ASTN2: variants seen among roughly 807,000 people sequenced by gnomAD.
ASTN2 encodes astrotactin-2.
ASTN2 carries 54 observed loss-of-function variants against 139.8 expected under a neutral mutation model. That is an observed-to-expected ratio of 0.39 (90% CI 0.31 to 0.48). The LOEUF is 0.48. Ranked by LOEUF, ASTN2 falls within the 20% of genes least tolerant of loss-of-function variation. The pLI is 0.95. For missense variants in ASTN2, 1,565 were observed against 1,725.1 expected (o/e 0.91, Z 1.64); for synonymous variants, 756 against 719.5 (o/e 1.05, Z -0.81).
intron 3 of ASTN2, among the ~76,000 whole-genome samples, chr9:117,193,749 G>T (rs1831413065): frequency 1.3e-5 from 2 of 151,618 alleles, no homozygotes; most frequent in Admixed American, 1.3e-4. Flanking sequence ...CCACTTTAAA[G>T]CAGTCTTGCT....
intron 10 of ASTN2, among the ~76,000 whole-genome samples, chr9:116,870,096 C>A (rs1163754936): frequency 6.6e-6 from 1 of 151,788 alleles, no homozygotes; most frequent in African/African-American, 2.4e-5. Flanking sequence ...CTACTGCACT[C>A]CAACCCATGT....
At chr9:116,976,294 A>G in intron 8 of ASTN2, 106 bp from the exon 9 acceptor site, 1 of 860,692 alleles carries the variant, frequency 1.2e-6, no homozygotes, top group Non-Finnish European at 1.9e-6. Context: ...CAAACTCTGC[A>G]GAAATAATTA....
intron 5 of ASTN2, among the ~76,000 whole-genome samples, chr9:117,094,193 A>AGAGGG: frequency 2.5e-5 from 1 of 40,566 alleles, no homozygotes; most frequent in African/African-American, 7.1e-5. Flanking sequence ...GGAGGAGAGG[A>AGAGGG]GAGGAGAGGA....
At chr9:117,187,855 C>T (rs1400488395) in intron 3 of ASTN2, among the ~76,000 whole-genome samples, 1 of 152,194 alleles carries the variant, frequency 6.6e-6, no homozygotes, top group African/African-American at 2.4e-5. Context: ...TGCTATCCTA[C>T]ATCTGTGTAG....
chr9:116,736,719 G>T (rs1828936460), intron 13 of ASTN2, among the ~76,000 whole-genome samples: 1 of 152,208 alleles, frequency 6.6e-6, no homozygotes, highest in Admixed American at 6.5e-5. Context: ...CATAATGGAT[G>T]CATTTGGGAA....
At chr9:117,015,317 C>T (rs1385896462) in intron 6 of ASTN2, among the ~76,000 whole-genome samples, 1 of 152,164 alleles carries the variant, frequency 6.6e-6, no homozygotes, top group Non-Finnish European at 1.5e-5. Context: ...CTGCCCTTGG[C>T]CACCTCTGAC....
intron 5 of ASTN2, among the ~76,000 whole-genome samples, chr9:117,082,671 C>A (rs1053116597): frequency 3.9e-5 from 6 of 152,174 alleles, no homozygotes; most frequent in Non-Finnish European, 2.9e-5. Flanking sequence ...GGCATGGTGG[C>A]ACATGCCTGT....
At chr9:116,493,119 C>A (rs1394863672) in intron 19 of ASTN2, among the ~76,000 whole-genome samples, 1 of 152,152 alleles carries the variant, frequency 6.6e-6, no homozygotes, top group African/African-American at 2.4e-5. Context: ...GGGAATGCTA[C>A]ACCTTAATTC....
chr9:117,298,670 G>GTATATATATATATATATA (rs148601803), intron 1 of ASTN2, among the ~76,000 whole-genome samples: 1 of 136,466 alleles, frequency 7.3e-6, no homozygotes, highest in African/African-American at 2.7e-5. Flanking sequence ...ATATATATGT[G>GTATATATATATATATATA]TATATATATA....
At chr9:116,573,717 T>A (rs779858957) in intron 19 of ASTN2, among the ~76,000 whole-genome samples, 1 of 152,220 alleles carries the variant, frequency 6.6e-6, no homozygotes. Context: ...TATGTTATCA[T>A]GTTAAATGAC....
At chr9:116,889,878 C>A (rs958445488) in intron 10 of ASTN2, among the ~76,000 whole-genome samples, 2 of 151,902 alleles carry the variant, frequency 1.3e-5, no homozygotes, top group African/African-American at 4.8e-5. Flanking sequence ...CTGCAGTGAG[C>A]TATAATCTTG....
chr9:117,067,906 G>A (rs1827999736), intron 5 of ASTN2, among the ~76,000 whole-genome samples: 1 of 121,700 alleles, frequency 8.2e-6, no homozygotes, highest in African/African-American at 3.0e-5. Context: ...GGAGATTTTG[G>A]GCTGAGACAG....
chr9:116,640,392 T>C (rs1338418715), intron 17 of ASTN2, among the ~76,000 whole-genome samples: 1 of 152,132 alleles, frequency 6.6e-6, no homozygotes, highest in African/African-American at 2.4e-5. Context: ...ATAACTGTTA[T>C]GGAAGAAAGA....
chr9:117,008,108 G>T lies in ASTN2; in HGVS notation c.1575C>A (p.Leu525=), dbSNP rs755571826. 3 of 1,597,216 alleles carry T rather than the reference G, an allele frequency of 1.9e-6. No individual in the cohort carries two copies. The highest frequency in any genetic ancestry group is 8.5e-7 in the Non-Finnish European group (1 of 1,171,322). Residue 525 remains leucine (L), a synonymous_variant, in exon 7 of 23, where the codon CTC becomes CTA. Transcript: ENST00000313400. The part of the protein sequence containing the change: ...GQRTTDACEQ[L]CDPETGECSC... ...ATGGCTCACCGGTTTCTGGGTCGCAGAGCTGCTCACAGGCATCTGTCGTCC... is the reference window on the plus strand; with the variant it reads ...ATGGCTCACCGGTTTCTGGGTCGCATAGCTGCTCACAGGCATCTGTCGTCC...
At chr9:116,867,753 A>T (rs547894557) in intron 10 of ASTN2, among the ~76,000 whole-genome samples, 2 of 152,250 alleles carry the variant, frequency 1.3e-5, no homozygotes, top group East Asian at 3.9e-4. Flanking sequence ...CATCAGTTAC[A>T]TGAGGGGAAC....
At chr9:116,482,752 C>T (rs1389701083) in intron 20 of ASTN2, among the ~76,000 whole-genome samples, 1 of 152,200 alleles carries the variant, frequency 6.6e-6, no homozygotes, top group African/African-American at 2.4e-5. Context: ...GATAGAGCCT[C>T]TGGCCTAAGC....
At chr9:117,118,038 T>A (rs1307107956) in intron 4 of ASTN2, among the ~76,000 whole-genome samples, 2 of 152,124 alleles carry the variant, frequency 1.3e-5, no homozygotes, top group Admixed American at 1.3e-4. Flanking sequence ...AAGTGCCAGG[T>A]TGTTCAAAGG....
Position 117,020,002 on chromosome 9 carries a change from CTGTGTGTGTGTG to C in ASTN2, c.1424-11755_1424-11744del, listed in dbSNP as rs57575432. 2.1e-3 allele frequency among the ~76,000 whole-genome samples: 291 copies of C among 140,828 alleles called. 1 individual carries two copies. Among genetic ancestry groups the C allele is most frequent in the Middle Eastern group, 0.011 (3 of 280 alleles). The allele number at this position is 140,828 out of a possible 152,430, so 92.4% of individuals were successfully genotyped here. On this transcript the variant is annotated intron_variant, in intron 6 of 22. Transcript: ENST00000313400. ...ACATAAAAATAGCCATTCAGGGTTT[CTGTGTGTGTGTG>C]TGTGTGTGTGTGTGTGTGTGTGTGT...
chr9:116,563,095 G>C (rs1366479559), intron 19 of ASTN2, among the ~76,000 whole-genome samples: 3 of 152,126 alleles, frequency 2.0e-5, no homozygotes, highest in East Asian at 3.9e-4. Flanking sequence ...TCCCAGCCAG[G>C]CTGGGTGCGG....
Sources: allele counts gnomAD v4.1 joint callset (sites outside exome capture counted in the v4.1 genomes callset), GRCh38; gene constraint gnomAD v4.1.1; transcripts MANE v1.5; gene names NCBI Gene and HGNC (gene_info 2026-07-23, HGNC 2026-07-21).